SPG11: variants seen among roughly 807,000 people sequenced by gnomAD.
The protein encoded by SPG11 is SPG11 vesicle trafficking associated, spatacsin.
SPG11 carries 222 observed loss-of-function variants against 274.0 expected under a neutral mutation model. The ratio of observed to expected loss-of-function variants is 0.81; its 90% CI spans 0.73 to 0.91. SPG11 has a LOEUF of 0.91. SPG11 is among the 40% of genes least tolerant of loss of function. The pLI, the probability that SPG11 is intolerant of heterozygous loss-of-function variation, is 0.00. For synonymous variants in SPG11, 1,144 were observed against 1,039.7 expected (o/e 1.10, Z -1.93); for missense variants, 3,114 against 2,872.7 (o/e 1.08, Z -1.92).
At chr15:44,660,339 C>G in intron 2 of SPG11, 93 bp downstream of exon 2, 1 of 1,168,490 alleles carries the variant, frequency 8.6e-7, no homozygotes, top group Admixed American at 1.7e-5. Flanking sequence ...CAGCGTAGAC[C>G]TGATTTCACC....
chr15:44,635,382 C>T (rs535655429), intron 7 of SPG11, among the ~76,000 whole-genome samples: 3 of 151,916 alleles, frequency 2.0e-5, no homozygotes, highest in African/African-American at 7.2e-5. Flanking sequence ...TGAGACCAGC[C>T]TGGGCAACAT....
rs1047926827 is a variant in SPG11, at chr15:44,574,825, G to A, written c.6006+77C>T. On this transcript the variant is annotated intron_variant, in intron 31 of 39. Coordinates refer to ENST00000261866, the MANE Select transcript of SPG11 (RefSeq NM_025137.4). ...TGATTATCATCTAAAAGGCTGACTTGGCAATGTCCAAAATCAACCTCAAAC... is the reference window on the plus strand; with the variant it reads ...TGATTATCATCTAAAAGGCTGACTTAGCAATGTCCAAAATCAACCTCAAAC... The A allele has an allele frequency of 1.2e-5, 19 of 1,547,304 alleles. No homozygotes were observed. In the African/African-American group the frequency reaches 1.6e-4, roughly 13 times the overall value.
Position 44,651,705 on chromosome 15 carries a change from T to G in SPG11, c.1242A>C (p.Lys414Asn), listed in dbSNP as rs1326620696. 2 of 1,614,270 alleles carry G rather than the reference T, an allele frequency of 1.2e-6. No homozygotes were observed. Among genetic ancestry groups the G allele is most frequent in the Non-Finnish European group, 1.7e-6 (2 of 1,180,050 alleles). Residue 414 changes from lysine to asparagine, a missense_variant, in exon 6 of 40, where the codon AAA becomes AAC. Physicochemically the swap from Lys to Asn is moderately conservative, Grantham distance 94. Coordinates refer to ENST00000261866, the MANE Select transcript of SPG11 (RefSeq NM_025137.4). ...AKTSDPGRSW[K>N]IMHISEQEEP... ...CCTCTTGTTCACTGATGTGCATTAT[T>G]TTCCATGATCTTCCTGGATCACTGG... is the stretch of plus-strand genomic sequence containing the variant.
At chr15:44,579,211 G>T (rs1212821465) in intron 30 of SPG11, among the ~76,000 whole-genome samples, 1 of 151,382 alleles carries the variant, frequency 6.6e-6, no homozygotes, top group Non-Finnish European at 1.5e-5. Flanking sequence ...TGCAACCCCA[G>T]ATTACTCAGC....
At chr15:44,660,383 G>A (rs377245321) in intron 2 of SPG11, 49 bp downstream of exon 2, 1 of 1,540,284 alleles carries the variant, frequency 6.5e-7, no homozygotes, top group African/African-American at 1.4e-5. Flanking sequence ...TAACTACATG[G>A]TAATGTCACA....
rs1567169953 is a variant in SPG11, at chr15:44,622,309, T to G, written c.2355A>C (p.Lys785Asn). Reference sequence around the variant, plus strand: ...GCACGAAGTCTATAGTTCTTTTCTCTTTTTCAGAAAAATAATTTTTTTCTT... The same window carrying G: ...GCACGAAGTCTATAGTTCTTTTCTCGTTTTCAGAAAAATAATTTTTTTCTT... ...ILKEKNYFSE[K>N]EKRTIDFVHQ... The change falls in exon 13 of 40, where the codon AAA (lysine) becomes AAC (asparagine). Residue 785 changes from lysine to asparagine, a missense_variant. By Grantham distance (94) the Lys-to-Asn change is moderately conservative (BLOSUM62 0). Transcript: ENST00000261866. 6.4e-7 allele frequency: 1 copy of G among 1,565,430 alleles called. No homozygotes were observed. The highest frequency in any genetic ancestry group is 2.2e-5 in the East Asian group (1 of 44,526).
At chr15:44,640,817 G>A (rs915461561) in intron 7 of SPG11, among the ~76,000 whole-genome samples, 6 of 152,054 alleles carry the variant, frequency 3.9e-5, no homozygotes, top group Admixed American at 6.5e-5. Context: ...TGCAACCTCC[G>A]CCTCCTAGGT....
At chr15:44,565,664 C>T (rs1334709963) in intron 38 of SPG11, among the ~76,000 whole-genome samples, 190 bp downstream of exon 38, 2 of 152,204 alleles carry the variant, frequency 1.3e-5, no homozygotes, top group African/African-American at 2.4e-5. Context: ...CATTCTCTAA[C>T]CTCTGCCCAA....
chr15:44,597,002 T>C, intron 23 of SPG11, 59 bp from the exon 24 acceptor site: 8 of 1,534,278 alleles, frequency 5.2e-6, no homozygotes, highest in Non-Finnish European at 7.2e-6. Flanking sequence ...CATTAAAATA[T>C]AGCTTTAGCT....
intron 14 of SPG11, chr15:44,620,660 A>G (rs2083718902): frequency 4.8e-6 from 2 of 420,528 alleles, no homozygotes; most frequent in Non-Finnish European, 8.6e-6. Context: ...TCAGCTGCCC[A>G]AGTAGCAGGG....
chr15:44,660,376 C>T, intron 2 of SPG11, 56 bp downstream of exon 2: 1 of 1,519,378 alleles, frequency 6.6e-7, no homozygotes, highest in South Asian at 1.1e-5. Context: ...AAGTATGTAA[C>T]TACATGGTAA....
Position 44,605,923 on chromosome 15 carries a change from T to A in SPG11, c.3520+102A>T, listed in dbSNP as rs549098280. The A allele has an allele frequency of 1.7e-4, 174 of 1,047,260 alleles. 1 individual carries two copies. The African/African-American group carries it at 2.6e-3, about 15-fold the overall frequency. The allele number at this position is 1,047,260 out of a possible 1,614,324, so 64.9% of individuals were successfully genotyped here. On this transcript the variant is annotated intron_variant, in intron 20 of 39. Transcript: ENST00000261866. ...TTCCTTTGGAATACACCTTTACTTT[T>A]AAAATAAAAATCAATGAGAAAACTA...
At position 44,567,428 on chromosome 15, in the gene SPG11, G is replaced by A. The variant is rs769165938; in HGVS notation, c.6750C>T (p.Pro2250=). ...RIQLKLIESQ[P]WEDSLKDGHQ... Reference sequence around the variant, plus strand: ...TGTGGCTGTGACCTCACTCACCCCAGGGCTGAGACTCAATCAATTTCAGTT... The same window carrying A: ...TGTGGCTGTGACCTCACTCACCCCAAGGCTGAGACTCAATCAATTTCAGTT... The change falls in exon 36 of 40, where the codon CCC becomes CCT. Residue 2250 remains proline (P), a synonymous_variant. Transcript: ENST00000261866. 1 of 1,613,448 alleles carries A rather than the reference G, an allele frequency of 6.2e-7. No individual in the cohort carries two copies. Among genetic ancestry groups the A allele is most frequent in the Non-Finnish European group, 8.5e-7 (1 of 1,179,850 alleles).
intron 36 of SPG11, 152 bp downstream of exon 36, chr15:44,567,272 A>G: frequency 2.7e-6 from 2 of 729,780 alleles, no homozygotes; most frequent in Non-Finnish European, 4.4e-6. Context: ...AATCACTTGA[A>G]CCTGGGAGGC....
intron 16 of SPG11, 32 bp downstream of exon 16, chr15:44,615,331 T>A: frequency 6.2e-7 from 1 of 1,603,634 alleles, no homozygotes; most frequent in Non-Finnish European, 8.5e-7. Flanking sequence ...TGTGAAGACC[T>A]GCTCAAGGAC....
chr15:44,583,721 T>C, intron 30 of SPG11, 93 bp downstream of exon 30: 1 of 1,558,398 alleles, frequency 6.4e-7, no homozygotes, highest in Non-Finnish European at 8.8e-7. Flanking sequence ...CTTAACTTGG[T>C]AGAACTATTC....
At chr15:44,618,878 T>C (rs543475585) in intron 15 of SPG11, among the ~76,000 whole-genome samples, 3 of 152,268 alleles carry the variant, frequency 2.0e-5, no homozygotes, top group East Asian at 3.9e-4. Flanking sequence ...CAAGTTTTGA[T>C]TGTAAATAGG....
intron 21 of SPG11, 198 bp downstream of exon 21, chr15:44,600,269 A>G: frequency 1.8e-6 from 1 of 563,190 alleles, no homozygotes; most frequent in South Asian, 2.1e-5. Context: ...CTTTTTTAGA[A>G]TACAAATTAT....
intron 18 of SPG11, among the ~76,000 whole-genome samples, chr15:44,610,417 C>G (rs374114205): frequency 6.6e-6 from 1 of 151,920 alleles, no homozygotes; most frequent in Admixed American, 6.5e-5. Flanking sequence ...GAGTCCCGCT[C>G]TGTTGCCCAG....
Sources: allele counts gnomAD v4.1 joint callset (sites outside exome capture counted in the v4.1 genomes callset), GRCh38; gene constraint gnomAD v4.1.1; transcripts MANE v1.5; gene names NCBI Gene and HGNC (gene_info 2026-07-23, HGNC 2026-07-21).